The following PTPN5 variants were observed in gnomAD, a reference collection of about 807,000 sequenced individuals.
PTPN5 encodes the protein protein tyrosine phosphatase non-receptor type 5.
Under a neutral mutation model 73.9 loss-of-function variants are expected in PTPN5, and 29 were observed. The ratio of observed to expected loss-of-function variants is 0.39; its 90% confidence interval spans 0.29 to 0.54. PTPN5 has a LOEUF of 0.54. Among genes scored for constraint, PTPN5 ranks in the 20% least tolerant of loss-of-function variants. PTPN5 has a pLI of 0.65. For synonymous variants in PTPN5, 267 were observed against 304.7 expected, an observed-to-expected ratio of 0.88 and a Z score of 1.29; for missense variants, 652 against 751.4, an observed-to-expected ratio of 0.87 and a Z score of 1.55.
At position 18,746,859 on chromosome 11, in the gene PTPN5, G is replaced by C. The variant is rs548190833; in HGVS notation, c.98-2660C>G. On this transcript the variant is annotated intron_variant, in intron 3 of 14. Coordinates refer to ENST00000358540, the MANE Select transcript of PTPN5 (RefSeq NM_006906.2). ...CAAGAGTTGCTACTATTGATAAGCAGGGGGTTGATTTCTCAAGGGGCAAGG... is the reference window on the plus strand; with the variant it reads ...CAAGAGTTGCTACTATTGATAAGCACGGGGTTGATTTCTCAAGGGGCAAGG... 2.6e-5 allele frequency among the ~76,000 whole-genome samples: 4 copies of C among 152,318 alleles called. No individual in the cohort carries two copies. In the East Asian group the frequency reaches 7.7e-4, roughly 29 times the overall value.
At position 18,791,798 on chromosome 11, in the gene PTPN5, C is replaced by T. The variant is rs888911154; in HGVS notation, c.-387G>A. ...ACCAAATGCGCTTCAGCTGCAGAGT[C>T]GCTGGCGCAGCCGCCGGGTGGGTTT... On this transcript the variant is annotated 5_prime_UTR_variant, in exon 1 of 15. Transcript: ENST00000358540. 6.6e-6 allele frequency: 1 copy of T among 152,138 alleles called. No individual in the cohort carries two copies. The highest frequency in any genetic ancestry group is 2.4e-5 in the African/African-American group (1 of 41,434). The allele number at this position is 152,138 out of a possible 1,614,324, so 9.4% of individuals were successfully genotyped here. A position where few individuals can be genotyped will look rare whatever the true frequency, so the allele number is the denominator to read the frequency against.
chr11:18,730,964 T>C (rs562421657), intron 12 of PTPN5, among the ~76,000 whole-genome samples: 25 of 152,138 alleles, frequency 1.6e-4, no homozygotes, highest in Middle Eastern at 3.4e-3. Context: ...AAGTGTTCCA[T>C]CTTCCATGTC....
chr11:18,746,896 A>G (rs887710865), intron 3 of PTPN5, among the ~76,000 whole-genome samples: 3 of 152,212 alleles, frequency 2.0e-5, no homozygotes, highest in Non-Finnish European at 2.9e-5. Context: ...CTCTGCCCAC[A>G]CACAGTTGAC....
intron 12 of PTPN5, among the ~76,000 whole-genome samples, chr11:18,731,125 C>CAT (rs112847667): frequency 0.15 from 22,624 of 148,350 alleles, 1,801 homozygotes; most frequent in Middle Eastern, 0.22. Context: ...TTCTTTTATA[C>CAT]ATATATATAT....
At chr11:18,731,270 A>G (rs1848865428) in intron 12 of PTPN5, among the ~76,000 whole-genome samples, 1 of 150,652 alleles carries the variant, frequency 6.6e-6, no homozygotes, top group Non-Finnish European at 1.5e-5. Flanking sequence ...TACATATCCT[A>G]TATTCATCCA....
At chr11:18,779,284 A>C (rs1851310690) in intron 1 of PTPN5, among the ~76,000 whole-genome samples, 1 of 152,110 alleles carries the variant, frequency 6.6e-6, no homozygotes, top group African/African-American at 2.4e-5. Context: ...CTGAGTCAGA[A>C]GCAGGGCCTG....
intron 1 of PTPN5, among the ~76,000 whole-genome samples, chr11:18,782,230 TC>T (rs1851467371): frequency 6.6e-6 from 1 of 151,656 alleles, no homozygotes; most frequent in African/African-American, 2.4e-5. Flanking sequence ...AAAAACTATG[TC>T]TTTTTTTTTT....
At position 18,729,010 on chromosome 11, in the gene PTPN5, G is replaced by A; in HGVS notation, c.1622C>T (p.Thr541Ile). 6.2e-7 allele frequency: 1 copy of A among 1,613,920 alleles called. No homozygotes were observed. The highest frequency in any genetic ancestry group is 8.5e-7 in the Non-Finnish European group (1 of 1,179,966). The change falls in exon 15 of 15, where the codon ACA (threonine) becomes ATA (isoleucine). Residue 541 changes from threonine to isoleucine, a missense_variant. Thr to Ile is a moderately conservative substitution (Grantham distance 89). Transcript: ENST00000358540. This position sits in a 1 kb window ranked among gnomAD's most constrained non-coding sequence, Gnocchi z 5.2. The stretch of plus-strand genomic sequence containing the variant: ...GTGCACAAACTGGTACTGCTCGCAT[G>A]TCTGGATCATGCCGCCCCTGCCCGG... ...LRQDRGGMIQ[T>I]CEQYQFVHHV...
At chr11:18,771,869 C>G in intron 2 of PTPN5, 70 bp downstream of exon 2, 1 of 1,344,580 alleles carries the variant, frequency 7.4e-7, no homozygotes, top group Non-Finnish European at 1.1e-6. Flanking sequence ...TGTCCCAGAG[C>G]ATCCAGATGG....
At chr11:18,780,355 C>G (rs531437830) in intron 1 of PTPN5, among the ~76,000 whole-genome samples, 3 of 152,198 alleles carry the variant, frequency 2.0e-5, no homozygotes, top group Non-Finnish European at 2.9e-5. Context: ...CCATGACATC[C>G]GCCTGCCCCA....
rs1253998830 is a variant in PTPN5 at position 18,770,977 on chromosome 11, T to TC, written c.20+961dup. Reference sequence around the variant, plus strand: ...GGTGCTATTAGGAGACATCCTGGAGTCTCCTAACATGAAGTCCCAGCTTTG... The same window carrying TC: ...GGTGCTATTAGGAGACATCCTGGAGTCCTCCTAACATGAAGTCCCAGCTTTG... On this transcript the variant is annotated intron_variant, in intron 2 of 14. Transcript: ENST00000358540. Among the ~76,000 whole-genome samples, 11 of 151,280 alleles carry TC rather than the reference T, an allele frequency of 7.3e-5. No individual in the cohort carries two copies. In the South Asian group the frequency reaches 1.9e-3, roughly 26 times the overall value.
intron 1 of PTPN5, among the ~76,000 whole-genome samples, chr11:18,789,154 A>G (rs1455261913): frequency 6.6e-6 from 1 of 152,154 alleles, no homozygotes; most frequent in Non-Finnish European, 1.5e-5. Flanking sequence ...TATAGGGTAT[A>G]TCCACAAAGC....
In PTPN5 at chr11:18,729,703, G is replaced by A. The variant is rs982618903; in HGVS notation, c.1445C>T (p.Ala482Val). The change falls in exon 13 of 15, where the codon GCC becomes GTC. Residue 482 changes from alanine (A) to valine (V), a missense_variant. Coordinates refer to ENST00000358540, the MANE Select transcript of PTPN5 (RefSeq NM_006906.2). The surrounding 1 kb of genome is among the most constrained non-coding windows in gnomAD (Gnocchi z 5.2). ...GGCACAGTGGGGCCCCTCCTGCTGG[G>A]CTGCCTCCTCCACCTCCCGCACCAG... ...LHLVREVEEAAQQEGPHCAPI... is the reference protein window; with the variant it reads ...LHLVREVEEAVQQEGPHCAPI... 3 of 1,585,254 alleles carry A rather than the reference G, an allele frequency of 1.9e-6. No homozygotes were observed. Among genetic ancestry groups the A allele is most frequent in the Non-Finnish European group, 8.6e-7 (1 of 1,162,584 alleles).
At chr11:18,730,207 T>TCGCCTG (rs1848814068) in intron 12 of PTPN5, 4 of 410,966 alleles carry the variant, frequency 9.7e-6, no homozygotes, top group Non-Finnish European at 1.7e-5. Context: ...TTGCTGTGCC[T>TCGCCTG]CGCCTGCGCC....
chr11:18,791,502 G>T (rs945512715), intron 1 of PTPN5, 23 bp downstream of exon 1: 2 of 152,266 alleles, frequency 1.3e-5, no homozygotes, highest in Admixed American at 6.5e-5. Flanking sequence ...ACACAAAGGC[G>T]CAGACGGAGG....
Position 18,733,762 on chromosome 11 carries a change from G to A in PTPN5, c.1001-127C>T. On this transcript the variant is annotated intron_variant, in intron 9 of 14. Coordinates refer to ENST00000358540, the MANE Select transcript of PTPN5 (RefSeq NM_006906.2). This position sits in a 1 kb window ranked among gnomAD's most constrained non-coding sequence, Gnocchi z 4.3. ...TAGCAGTTCTTCCTTCCCTTGCCCA[G>A]CAGCAAAACATTGACCCATTCATGG... 1 of 819,044 alleles carries A rather than the reference G, an allele frequency of 1.2e-6. No homozygotes were observed. The allele number at this position is 819,044 out of a possible 1,614,324, so 50.7% of individuals were successfully genotyped here.
intron 3 of PTPN5, among the ~76,000 whole-genome samples, chr11:18,756,002 TAAAAAAAAAAAA>T (rs532445728): frequency 9.7e-5 from 11 of 113,226 alleles, no homozygotes; most frequent in African/African-American, 3.8e-4. Flanking sequence ...AGACTCTAAA[TAAAAAAAAAAAA>T]AAAAAAAAGA....
intron 2 of PTPN5, among the ~76,000 whole-genome samples, chr11:18,769,887 G>C (rs1046712599): frequency 6.6e-6 from 1 of 152,174 alleles, no homozygotes; most frequent in Non-Finnish European, 1.5e-5. Flanking sequence ...GCAGAGGCAC[G>C]TGGGCAAGAA....
Position 18,729,883 on chromosome 11 carries a change from G to A in PTPN5, c.1330-65C>T. On this transcript the variant is annotated intron_variant, in intron 12 of 14. Transcript: ENST00000358540. This position sits in a 1 kb window ranked among gnomAD's most constrained non-coding sequence, Gnocchi z 5.2. Reference sequence around the variant, plus strand: ...CTCTTTCAGCTCACAAACCAGCCCAGAGATAGAGATGAGATGGAAGGAGGA... The same window carrying A: ...CTCTTTCAGCTCACAAACCAGCCCAAAGATAGAGATGAGATGGAAGGAGGA... 1 of 1,596,568 alleles carries A rather than the reference G, an allele frequency of 6.3e-7. No homozygotes were observed. The highest frequency in any genetic ancestry group is 8.6e-7 in the Non-Finnish European group (1 of 1,164,294).
Sources: gnomAD v4.1 joint callset for allele counts (sites outside exome capture counted in the v4.1 genomes callset) on GRCh38, gnomAD v4.1.1 for gene constraint, Gnocchi (gnomAD v3.1) non-coding constraint, MANE v1.5 for transcripts, NCBI Gene and HGNC (gene_info 2026-07-23, HGNC 2026-07-21) for gene names.